CERS2: variants seen among roughly 807,000 people sequenced by gnomAD.
CERS2 encodes LAG1 homolog, ceramide synthase 2.
CERS2 carries 20 observed loss-of-function variants against 56.6 expected under a neutral mutation model. That is an observed-to-expected ratio of 0.35 (90% confidence interval 0.25 to 0.51). CERS2 has a LOEUF of 0.51. Among genes scored for constraint, CERS2 ranks in the 20% least tolerant of loss-of-function variants. The probability of loss-of-function intolerance (pLI) is 0.96; values close to 1 mark genes in which losing one functional copy is unlikely to be tolerated. For missense variants in CERS2, 361 were observed against 488.6 expected, an observed-to-expected ratio of 0.74 and a Z score of 2.46; for synonymous variants, 187 against 175.4, an observed-to-expected ratio of 1.07 and a Z score of -0.52.
rs772698981 is a variant in CERS2, at chr1:150,966,175, G to A, written c.1116C>T (p.Leu372=). 16 of 1,608,094 alleles carry A rather than the reference G, an allele frequency of 9.9e-6. No homozygotes were observed. In the South Asian group the frequency reaches 1.7e-4, roughly 17 times the overall value. Residue 372 remains leucine, a synonymous_variant, in exon 11 of 11, where the codon CTC becomes CTT. Coordinates refer to ENST00000368954, the MANE Select transcript of CERS2 (RefSeq NM_022075.5). ...AGTCATTCTTACGATGGTTGTTATT[G>A]AGGATGGGGTGGCCATTGGCTAGGG... is the stretch of plus-strand genomic sequence containing the variant. ...SRPLANGHPI[L]NNNHRKND is the part of the protein sequence containing the mutation.
chr1:150,967,677 C>T lies in CERS2; in HGVS notation c.506G>A (p.Gly169Glu). 2 of 1,613,686 alleles carry T rather than the reference C, an allele frequency of 1.2e-6. No individual in the cohort carries two copies. Among genetic ancestry groups the T allele is most frequent in the Non-Finnish European group, 1.7e-6 (2 of 1,179,564 alleles). ...WFYDMKKVWE[G>E]YPIQSTIPSQ... ...CAGAACTCATACCTGTATGGGATAT[C>T]CCTCCCAAACTTTCTTCATGTCATA... The change falls in exon 6 of 11, where the codon GGA becomes GAA. Residue 169 changes from glycine (G) to glutamate (E), a missense_variant. Around this residue, in one of 3 missense-constraint regions of CERS2, gnomAD observed 236 missense variants for 309.2 expected, o/e 0.76. Coordinates refer to ENST00000368954, the MANE Select transcript of CERS2 (RefSeq NM_022075.5).
chr1:150,965,905 G>A lies in CERS2; in HGVS notation c.*243C>T, dbSNP rs7550809. 8,811 of 429,404 alleles carry A rather than the reference G, an allele frequency of 0.021. 620 individuals carry two copies. The highest frequency in any genetic ancestry group is 0.16 in the African/African-American group (7,555 of 48,098). 26.6% of individuals were successfully genotyped at this position (429,404 alleles called of 1,614,324 possible). On this transcript the variant is annotated 3_prime_UTR_variant, in exon 11 of 11. Coordinates refer to ENST00000368954, the MANE Select transcript of CERS2 (RefSeq NM_022075.5). ...AAAGCAGTAGAAAGGATGACTTGGC[G>A]GGTAGGGAGGAAAATACGACCGTCC...
At chr1:150,974,425 C>CCGG (rs1297814651) in intron 1 of CERS2, 194 bp downstream of exon 1, 1 of 149,088 alleles carries the variant, frequency 6.7e-6, no homozygotes, top group Non-Finnish European at 1.5e-5. Context: ...CCCGCCTTAC[C>CCGG]CGGCGGCCGC....
chr1:150,972,113 C>G (rs1292701079), intron 1 of CERS2, among the ~76,000 whole-genome samples: 1 of 152,190 alleles, frequency 6.6e-6, no homozygotes, highest in African/African-American at 2.4e-5. Context: ...TGGTCAAGGA[C>G]AGACACCTGG....
chr1:150,970,071 T>C (rs1406594256), intron 1 of CERS2, among the ~76,000 whole-genome samples: 1 of 151,422 alleles, frequency 6.6e-6, no homozygotes. Context: ...CTACAAAAAA[T>C]ACAAAAATTA....
At chr1:150,967,920 G>A in intron 4 of CERS2, 43 bp from the exon 5 acceptor site, 1 of 1,533,434 alleles carries the variant, frequency 6.5e-7, no homozygotes, top group Non-Finnish European at 9.0e-7. Flanking sequence ...GGATAGCACA[G>A]TCCCCCAGCA....
chr1:150,974,156 C>T (rs899495364), intron 1 of CERS2, among the ~76,000 whole-genome samples: 6 of 152,132 alleles, frequency 3.9e-5, no homozygotes, highest in Non-Finnish European at 8.8e-5. Context: ...CTCCTCCCAC[C>T]CAAGCCACAG....
chr1:150,967,349 T>C (rs764049020), intron 7 of CERS2, 43 bp downstream of exon 7: 59 of 1,449,536 alleles, frequency 4.1e-5, no homozygotes, highest in Non-Finnish European at 4.5e-5. Context: ...TCCCAGGGCC[T>C]CATTTTGGCT....
chr1:150,969,185 AGGG>A, intron 1 of CERS2, 94 bp from the exon 2 acceptor site: 1 of 1,089,484 alleles, frequency 9.2e-7, no homozygotes, highest in Non-Finnish European at 1.3e-6. Context: ...CAAAAGGAGA[AGGG>A]GGCAGAGAGT....
chr1:150,966,575 G>T lies in CERS2; in HGVS notation c.903C>A (p.Gly301=). Residue 301 remains glycine, a synonymous_variant, in exon 10 of 11, where the codon GGC becomes GGA. Coordinates refer to ENST00000368954, the MANE Select transcript of CERS2 (RefSeq NM_022075.5). Reference sequence around the variant, plus strand: ...CCATCATGGAATTGAAGAAGTAATAGCCAAAGAAGGCAGGATAGAGCTCCA... The same window carrying T: ...CCATCATGGAATTGAAGAAGTAATATCCAAAGAAGGCAGGATAGAGCTCCA... ...YPLELYPAFF[G]YYFFNSMMGV... 1 of 1,613,978 alleles carries T rather than the reference G, an allele frequency of 6.2e-7. No individual in the cohort carries two copies. The highest frequency in any genetic ancestry group is 8.5e-7 in the Non-Finnish European group (1 of 1,179,912).
intron 6 of CERS2, 69 bp from the exon 7 acceptor site, chr1:150,967,553 CCT>C: frequency 7.1e-7 from 1 of 1,401,768 alleles, no homozygotes; most frequent in South Asian, 1.2e-5. Context: ...CCCCCTAGCC[CCT>C]GAGGTTCTTC....
intron 6 of CERS2, 59 bp from the exon 7 acceptor site, chr1:150,967,543 C>G (rs1275267604): frequency 5.0e-6 from 7 of 1,390,590 alleles, no homozygotes; most frequent in Non-Finnish European, 7.2e-6. Flanking sequence ...ACTCCACAAA[C>G]CCCCTAGCCC....
At chr1:150,968,777 G>A in intron 2 of CERS2, 141 bp downstream of exon 2, 1 of 806,048 alleles carries the variant, frequency 1.2e-6, no homozygotes, top group South Asian at 1.7e-5. Flanking sequence ...GCCTTCAGGG[G>A]AGGGGGTGCA....
At chr1:150,969,304 G>C (rs1311037994) in intron 1 of CERS2, 6 of 542,938 alleles carry the variant, frequency 1.1e-5, no homozygotes, top group Non-Finnish European at 2.0e-5. Flanking sequence ...GGCCGGCCGT[G>C]ATGGCTCATG....
Position 150,966,749 on chromosome 1 carries a change from T to C in CERS2, c.848+7A>G. On this transcript the variant is annotated splice_region_variant and intron_variant, in intron 9 of 10. Transcript: ENST00000368954. ...AGAACAGGAGTGTAGCCTAGCTGCC[T>C]ACTCACCAGAAGGGCAGGATGACCA... The C allele has an allele frequency of 6.2e-7, 1 of 1,610,470 alleles. No individual in the cohort carries two copies. Among genetic ancestry groups the C allele is most frequent in the Non-Finnish European group, 8.5e-7 (1 of 1,176,740 alleles).
chr1:150,966,572 A>G lies in CERS2; in HGVS notation c.906T>C (p.Tyr302=), dbSNP rs763025327. The change falls in exon 10 of 11, where the codon TAT becomes TAC. Residue 302 remains tyrosine, a synonymous_variant. Transcript: ENST00000368954. ...CTCCCATCATGGAATTGAAGAAGTA[A>G]TAGCCAAAGAAGGCAGGATAGAGCT... ...PLELYPAFFG[Y]YFFNSMMGVL... 2 of 1,614,118 alleles carry G rather than the reference A, an allele frequency of 1.2e-6. No individual in the cohort carries two copies. Among genetic ancestry groups the G allele is most frequent in the Non-Finnish European group, 1.7e-6 (2 of 1,180,002 alleles).
In CERS2 at chr1:150,968,338, G is replaced by A. The variant is rs989223954; in HGVS notation, c.291+57C>T. The A allele has an allele frequency of 4.0e-6, 6 of 1,515,994 alleles. No individual in the cohort carries two copies. The African/African-American group carries it at 6.9e-5, about 17-fold the overall frequency. 93.9% of individuals were successfully genotyped at this position (1,515,994 alleles called of 1,614,324 possible). On this transcript the variant is annotated intron_variant, in intron 3 of 10. Transcript: ENST00000368954. ...CTGCCAGAGCTAACATTCAAACCCTGTCCCCCCACCACCAAACTCAGTGAT... is the reference window on the plus strand; with the variant it reads ...CTGCCAGAGCTAACATTCAAACCCTATCCCCCCACCACCAAACTCAGTGAT...
At chr1:150,971,771 G>A (rs587646432) in intron 1 of CERS2, 3 of 455,874 alleles carry the variant, frequency 6.6e-6, no homozygotes, top group African/African-American at 4.0e-5. Flanking sequence ...GGAACACTTT[G>A]ATGTGTGCAC....
chr1:150,973,360 C>G (rs972340204), intron 1 of CERS2, among the ~76,000 whole-genome samples: 11 of 152,208 alleles, frequency 7.2e-5, no homozygotes, highest in Non-Finnish European at 1.3e-4. Flanking sequence ...AGGGAGACGC[C>G]GGTGGGTTTG....
Sources: allele counts gnomAD v4.1 joint callset (sites outside exome capture counted in the v4.1 genomes callset), GRCh38; gene constraint gnomAD v4.1.1; regional missense constraint gnomAD v4.1.1; transcripts MANE v1.5; gene names NCBI Gene and HGNC (gene_info 2026-07-23, HGNC 2026-07-21).